THADA: variants seen among roughly 807,000 people sequenced by gnomAD.
THADA encodes the protein tRNA (32-2'-O)-methyltransferase regulator THADA.
A neutral mutation model predicts 219.8 loss-of-function variants in THADA; 213 were observed. The observed-to-expected ratio is 0.97, with a 90% CI of 0.87 to 1.09. The LOEUF (loss-of-function observed/expected upper bound fraction) is 1.09, where lower values mean the gene tolerates loss of function less well. THADA is among the 50% of genes least tolerant of loss of function. The pLI is 0.00. For synonymous variants in THADA, 1,018 were observed against 828.9 expected, an observed-to-expected ratio of 1.23 and a Z score of -3.92; for missense variants, 2,956 against 2,311.3, an observed-to-expected ratio of 1.28 and a Z score of -5.72.
At chr2:43,519,709 G>A (rs1351239880) in intron 22 of THADA, among the ~76,000 whole-genome samples, 2 of 152,230 alleles carry the variant, frequency 1.3e-5, no homozygotes, top group Non-Finnish European at 2.9e-5. Flanking sequence ...CACAGTAGAT[G>A]TTTAAGAAAT....
intron 30 of THADA, among the ~76,000 whole-genome samples, chr2:43,336,923 C>T (rs1368781462): frequency 6.6e-6 from 1 of 152,206 alleles, no homozygotes; most frequent in Non-Finnish European, 1.5e-5. Flanking sequence ...GGGAGGATGG[C>T]TGGGACTTAG....
intron 28 of THADA, among the ~76,000 whole-genome samples, chr2:43,414,762 A>C (rs938871269): frequency 6.6e-6 from 1 of 152,152 alleles, no homozygotes; most frequent in Non-Finnish European, 1.5e-5. Flanking sequence ...CTCTGATAAC[A>C]ATCTGGCACT....
At chr2:43,253,490 C>T (rs748242298) in intron 36 of THADA, among the ~76,000 whole-genome samples, 30 of 152,148 alleles carry the variant, frequency 2.0e-4, no homozygotes, top group Non-Finnish European at 3.7e-4. Flanking sequence ...CAATCCTCAT[C>T]GTCCTTAACC....
At chr2:43,585,445 G>A (rs1286010274) in intron 7 of THADA, among the ~76,000 whole-genome samples, 1 of 151,770 alleles carries the variant, frequency 6.6e-6, no homozygotes, top group African/African-American at 2.4e-5. Flanking sequence ...TTGAACCCAG[G>A]GAGGTAGAGG....
chr2:43,558,134 C>T (rs924087221), intron 16 of THADA, among the ~76,000 whole-genome samples: 8 of 152,168 alleles, frequency 5.3e-5, no homozygotes, highest in African/African-American at 1.9e-4. Context: ...TTAGGTCAAT[C>T]GAAGTATAAT....
chr2:43,574,134 T>G (rs963720461), intron 11 of THADA, among the ~76,000 whole-genome samples: 5 of 152,206 alleles, frequency 3.3e-5, no homozygotes, highest in African/African-American at 1.2e-4. Flanking sequence ...ATTCTTTAGC[T>G]TGTAGAAATG....
intron 26 of THADA, among the ~76,000 whole-genome samples, chr2:43,439,374 G>T (rs1047092848): frequency 6.6e-6 from 1 of 152,072 alleles, no homozygotes; most frequent in African/African-American, 2.4e-5. Flanking sequence ...ATCTCTTACT[G>T]TGCCTAATTT....
At chr2:43,537,302 G>C (rs1694733028) in intron 21 of THADA, among the ~76,000 whole-genome samples, 1 of 152,130 alleles carries the variant, frequency 6.6e-6, no homozygotes, top group Non-Finnish European at 1.5e-5. Context: ...ATGAATTTCT[G>C]TCTGGTATCC....
chr2:43,584,908 A>G (rs1304007262), intron 7 of THADA, among the ~76,000 whole-genome samples: 4 of 152,206 alleles, frequency 2.6e-5, no homozygotes, highest in Admixed American at 1.3e-4. Flanking sequence ...GCACACACAG[A>G]TAAGGCAGCA....
intron 26 of THADA, 48 bp downstream of exon 26, chr2:43,485,186 A>C: frequency 6.9e-7 from 1 of 1,447,558 alleles, no homozygotes; most frequent in Admixed American, 1.7e-5. Context: ...GGCCAGGACA[A>C]TATTGTATTT....
rs544192054 is a variant in THADA at position 43,379,922 on chromosome 2, C to G, written c.4227+18049G>C. ...AATGTATTTTGCTAACTGAAAGAAG[C>G]CAGAATGAAAAAGTTACACATATTT... On this transcript the variant is annotated intron_variant, in intron 29 of 37. Transcript: ENST00000405975. Among the ~76,000 whole-genome samples, 3 of 152,216 alleles carry G rather than the reference C, an allele frequency of 2.0e-5. No homozygotes were observed. The East Asian group carries it at 5.8e-4, about 29-fold the overall frequency.
chr2:43,485,019 A>C (rs1173289427), intron 26 of THADA, among the ~76,000 whole-genome samples: 1 of 151,952 alleles, frequency 6.6e-6, no homozygotes, highest in Non-Finnish European at 1.5e-5. Flanking sequence ...TACCTTGCTA[A>C]ATTTTTGTTG....
rs1451549700 is a variant in THADA, at chr2:43,556,569, C to T, written c.2464-14G>A. ...TTTCCCCGAATCCTAGAATAAAGCGCAGACTCAGTAACTGTCAAATTAAAG... is the reference window on the plus strand; with the variant it reads ...TTTCCCCGAATCCTAGAATAAAGCGTAGACTCAGTAACTGTCAAATTAAAG... On this transcript the variant is annotated splice_polypyrimidine_tract_variant and intron_variant, in intron 16 of 37. Coordinates refer to ENST00000405975, the MANE Select transcript of THADA (RefSeq NM_022065.5). The T allele has an allele frequency of 1.2e-6, 2 of 1,609,344 alleles. No homozygotes were observed. The highest frequency in any genetic ancestry group is 1.7e-6 in the Non-Finnish European group (2 of 1,176,990).
intron 1 of THADA, among the ~76,000 whole-genome samples, chr2:43,594,994 G>C (rs922193057): frequency 1.3e-5 from 2 of 152,190 alleles, no homozygotes; most frequent in Non-Finnish European, 2.9e-5. Flanking sequence ...TCACCTAGTA[G>C]CAAACTGAAT....
rs115109701 is a variant in THADA at position 43,378,213 on chromosome 2, C to T, written c.4227+19758G>A. 9.2e-3 allele frequency among the ~76,000 whole-genome samples: 1,398 copies of T among 152,134 alleles called. 23 individuals are homozygous for T. The highest frequency in any genetic ancestry group is 0.031 in the African/African-American group (1,272 of 41,496). On this transcript the variant is annotated intron_variant, in intron 29 of 37. Transcript: ENST00000405975. Reference sequence around the variant, plus strand: ...TTCATTGAAGTAGAAAATTCCATGACAGAATGAAGTACTTATTTCACCTGT... The same window carrying T: ...TTCATTGAAGTAGAAAATTCCATGATAGAATGAAGTACTTATTTCACCTGT...
At chr2:43,378,646 C>T (rs560492876) in intron 29 of THADA, among the ~76,000 whole-genome samples, 1 of 152,190 alleles carries the variant, frequency 6.6e-6, no homozygotes, top group Non-Finnish European at 1.5e-5. Flanking sequence ...TGCTTTGTTG[C>T]CCAGGCTGGA....
rs1558892415 is a variant in THADA, at chr2:43,515,258, TATATAATATATAATATA to T, written c.3375-6495_3375-6479del. Among the ~76,000 whole-genome samples the T allele has an allele frequency of 7.0e-4, 42 of 60,178 alleles. 3 individuals carry two copies. Among genetic ancestry groups the T allele is most frequent in the Non-Finnish European group, 1.1e-3 (36 of 33,624 alleles). 39.5% of individuals were successfully genotyped at this position (60,178 alleles called of 152,430 possible). On this transcript the variant is annotated intron_variant, in intron 22 of 37. Coordinates refer to ENST00000405975, the MANE Select transcript of THADA (RefSeq NM_022065.5). ...ATAATATATAATATATTATATATAA[TATATAATATATAATATA>T]TAATATATTATATATAATATATAAT...
chr2:43,502,977 T>C (rs1048378523), intron 24 of THADA, among the ~76,000 whole-genome samples: 1 of 152,312 alleles, frequency 6.6e-6, no homozygotes, highest in South Asian at 2.1e-4. Flanking sequence ...TATGAAAAGA[T>C]GTTAAAGCTA....
chr2:43,532,464 C>T (rs962575903), intron 21 of THADA, among the ~76,000 whole-genome samples: 9 of 144,616 alleles, frequency 6.2e-5, no homozygotes, highest in African/African-American at 2.1e-4. Flanking sequence ...AATCAATAAA[C>T]GTGATCCATC....
Sources: allele counts gnomAD v4.1 joint callset (sites outside exome capture counted in the v4.1 genomes callset), GRCh38; gene constraint gnomAD v4.1.1; transcripts MANE v1.5; gene names NCBI Gene and HGNC (gene_info 2026-07-23, HGNC 2026-07-21).